Variants in ANK3 observed in about 807,000 individuals in gnomAD.
ANK3 encodes ankyrin 3, also known as ankyrin-3.
In ANK3, 57 loss-of-function variants were observed where a neutral mutation model predicts 370.9. The observed-to-expected ratio is 0.15, with a 90% CI of 0.12 to 0.19. ANK3 has a LOEUF of 0.19. ANK3 is among the 10% of genes least tolerant of loss of function. The pLI, the probability that ANK3 is intolerant of heterozygous loss-of-function variation, is 1.00. For missense variants in ANK3, 4,439 were observed against 5,302.1 expected (o/e 0.84, Z 5.06); for synonymous variants, 1,929 against 1,946.3 (o/e 0.99, Z 0.23).
intron 2 of ANK3, among the ~76,000 whole-genome samples, chr10:60,410,680 T>C (rs2063540842): frequency 6.6e-6 from 1 of 152,164 alleles, no homozygotes; most frequent in South Asian, 2.1e-4. Flanking sequence ...AATTTTTTTT[T>C]CTTTGAGACA....
At chr10:60,320,452 G>A (rs1476312549) in intron 1 of ANK3, among the ~76,000 whole-genome samples, 3 of 152,094 alleles carry the variant, frequency 2.0e-5, no homozygotes, top group Non-Finnish European at 2.9e-5. Flanking sequence ...AAAATTAGCC[G>A]GGCATGGTGG....
chr10:60,644,432 T>A (rs977218167), intron 1 of ANK3, among the ~76,000 whole-genome samples: 4 of 152,250 alleles, frequency 2.6e-5, no homozygotes, highest in African/African-American at 9.6e-5. Context: ...CTTCATGTTA[T>A]GTTTCTAAGT....
At chr10:60,730,721 A>G (rs1203075522) in intron 1 of ANK3, among the ~76,000 whole-genome samples, 1 of 152,250 alleles carries the variant, frequency 6.6e-6, no homozygotes, top group Admixed American at 6.5e-5. Context: ...GGATATAGTT[A>G]TGTGAACAAC....
At chr10:60,490,836 C>T (rs1239902211) in intron 2 of ANK3, among the ~76,000 whole-genome samples, 1 of 152,186 alleles carries the variant, frequency 6.6e-6, no homozygotes, top group Non-Finnish European at 1.5e-5. Flanking sequence ...TCAGGTTAGT[C>T]AGTTTTGATA....
intron 1 of ANK3, among the ~76,000 whole-genome samples, chr10:60,386,609 A>G (rs544109481): frequency 6.6e-6 from 1 of 151,870 alleles, no homozygotes; most frequent in Non-Finnish European, 1.5e-5. Context: ...TGTATAATTC[A>G]TTGAGTTTTT....
At chr10:60,648,008 T>C (rs550451715) in intron 1 of ANK3, among the ~76,000 whole-genome samples, 3 of 139,504 alleles carry the variant, frequency 2.2e-5, no homozygotes, top group Admixed American at 1.4e-4. Context: ...CCACCATGCC[T>C]GGCTAATTTT....
chr10:60,500,338 C>A (rs2075765395), intron 2 of ANK3, among the ~76,000 whole-genome samples: 1 of 152,070 alleles, frequency 6.6e-6, no homozygotes, highest in Non-Finnish European at 1.5e-5. Flanking sequence ...GCATACCAAA[C>A]CTCAAATTTG....
At chr10:60,547,089 C>CCT (rs1555389861) in intron 2 of ANK3, among the ~76,000 whole-genome samples, 1 of 120,780 alleles carries the variant, frequency 8.3e-6, no homozygotes. Context: ...CAATGCAACT[C>CCT]TTTTTTTTTT....
intron 1 of ANK3, among the ~76,000 whole-genome samples, chr10:60,354,969 C>A (rs1002215401): frequency 1.1e-4 from 17 of 152,208 alleles, no homozygotes; most frequent in Admixed American, 7.2e-4. Flanking sequence ...CCATAGTTAA[C>A]TTTACAACTA....
chr10:60,164,131 T>C (rs186863738), intron 23 of ANK3, among the ~76,000 whole-genome samples: 6 of 152,290 alleles, frequency 3.9e-5, no homozygotes, highest in Non-Finnish European at 5.9e-5. Flanking sequence ...ATGATTTGTT[T>C]TGGGATTTGC....
At chr10:60,305,104 G>C (rs924928583) in intron 1 of ANK3, among the ~76,000 whole-genome samples, 2 of 152,126 alleles carry the variant, frequency 1.3e-5, no homozygotes, top group Non-Finnish European at 2.9e-5. Flanking sequence ...GGCTTAAAAA[G>C]TCTTCACTAT....
intron 42 of ANK3, among the ~76,000 whole-genome samples, chr10:60,052,322 C>T (rs1029358488): frequency 3.3e-5 from 5 of 152,014 alleles, no homozygotes; most frequent in South Asian, 2.1e-4. Context: ...GGCAAGACTC[C>T]GTCTCAACAA....
chr10:60,696,621 C>A lies in ANK3; in HGVS notation c.57+36642G>T, dbSNP rs796425595. Reference sequence around the variant, plus strand: ...ATATACGCAAATCAATAAATGTAATCCAGCATATAAACAGAACCAAAGACA... The same window carrying A: ...ATATACGCAAATCAATAAATGTAATACAGCATATAAACAGAACCAAAGACA... On this transcript the variant is annotated intron_variant, in intron 1 of 43. Coordinates refer to the ANK3 transcript ENST00000373827. 4.2e-4 allele frequency among the ~76,000 whole-genome samples: 62 copies of A among 148,228 alleles called. No homozygotes were observed. The East Asian group carries it at 0.011, about 27-fold the overall frequency.
intron 1 of ANK3, among the ~76,000 whole-genome samples, chr10:60,689,223 G>C (rs1444655234): frequency 5.3e-5 from 8 of 152,052 alleles, no homozygotes; most frequent in African/African-American, 1.9e-4. Flanking sequence ...AACATAGTGA[G>C]ACTGTAACTC....
At chr10:60,210,637 C>T (rs1376885083) in intron 9 of ANK3, among the ~76,000 whole-genome samples, 1 of 152,106 alleles carries the variant, frequency 6.6e-6, no homozygotes, top group African/African-American at 2.4e-5. Flanking sequence ...CCCAAAACTC[C>T]ACCAAAAAGC....
intron 2 of ANK3, among the ~76,000 whole-genome samples, chr10:60,491,748 G>A (rs771000457): frequency 1.3e-5 from 2 of 152,144 alleles, no homozygotes; most frequent in Non-Finnish European, 2.9e-5. Flanking sequence ...TAAGAGTACT[G>A]ATCTAGGAGC....
intron 1 of ANK3, among the ~76,000 whole-genome samples, chr10:60,296,535 T>G (rs2042552117): frequency 6.6e-6 from 1 of 152,226 alleles, no homozygotes; most frequent in African/African-American, 2.4e-5. Context: ...TAGTCTCTTG[T>G]TAGGACTAAC....
intron 2 of ANK3, among the ~76,000 whole-genome samples, chr10:60,478,135 A>G (rs928754406): frequency 6.6e-6 from 1 of 152,088 alleles, no homozygotes; most frequent in African/African-American, 2.4e-5. Context: ...CTGATATAAC[A>G]TTTATAATAA....
At chr10:60,036,334 T>A (rs1038129423) in intron 43 of ANK3, among the ~76,000 whole-genome samples, 4 of 151,836 alleles carry the variant, frequency 2.6e-5, no homozygotes, top group Non-Finnish European at 5.9e-5. Context: ...TTGGTTTTTT[T>A]AATACTAGTA....
Sources: gnomAD v4.1 joint callset for allele counts (sites outside exome capture counted in the v4.1 genomes callset) on GRCh38, gnomAD v4.1.1 for gene constraint, MANE v1.5 for transcripts, NCBI Gene and HGNC (gene_info 2026-07-23, HGNC 2026-07-21) for gene names.